Variants in DIP2C observed in about 807,000 individuals in gnomAD.
DIP2C encodes the protein DIP2 acetate--CoA ligase C (putative).
A neutral mutation model predicts 192.4 loss-of-function variants in DIP2C; 33 were observed. The observed-to-expected ratio is 0.17, with a 90% CI of 0.13 to 0.23. The LOEUF is 0.23. DIP2C is among the 10% of genes least tolerant of loss of function. The pLI, the probability that DIP2C is intolerant of heterozygous loss-of-function variation, is 1.00. For synonymous variants in DIP2C, 979 were observed against 864.1 expected (o/e 1.13, Z -2.33); for missense variants, 1,537 against 2,110.1 (o/e 0.73, Z 5.32).
intron 14 of DIP2C, among the ~76,000 whole-genome samples, chr10:385,293 G>C (rs1819512617): frequency 6.6e-6 from 1 of 152,218 alleles, no homozygotes; most frequent in South Asian, 2.1e-4. Flanking sequence ...TGACACGGTA[G>C]GGTCTGGGTG....
chr10:420,892 T>C (rs768179401), intron 5 of DIP2C, among the ~76,000 whole-genome samples: 3 of 152,138 alleles, frequency 2.0e-5, no homozygotes, highest in Non-Finnish European at 4.4e-5. Context: ...GATCGGCCAG[T>C]GTGACTCAGC....
At chr10:488,912 C>T (rs751282801) in intron 1 of DIP2C, among the ~76,000 whole-genome samples, 1 of 152,188 alleles carries the variant, frequency 6.6e-6, no homozygotes, top group Non-Finnish European at 1.5e-5. Flanking sequence ...CACACACAGA[C>T]GTCTGTGCCT....
chr10:681,399 G>A (rs1360573894), intron 1 of DIP2C, among the ~76,000 whole-genome samples: 2 of 151,360 alleles, frequency 1.3e-5, no homozygotes, highest in Non-Finnish European at 2.9e-5. Flanking sequence ...TATGGCCACA[G>A]AAATTCCGAG....
At chr10:486,751 C>T (rs1452107148) in intron 1 of DIP2C, among the ~76,000 whole-genome samples, 1 of 152,220 alleles carries the variant, frequency 6.6e-6, no homozygotes, top group East Asian at 1.9e-4. Context: ...TAAACACACG[C>T]CTGTTTCTGG....
chr10:540,463 T>G (rs1847918041), intron 1 of DIP2C, among the ~76,000 whole-genome samples: 4 of 152,168 alleles, frequency 2.6e-5, no homozygotes, highest in Admixed American at 2.6e-4. Flanking sequence ...CCTAAAACAC[T>G]TCCTCAAATC....
rs1186759577 is a variant in DIP2C, at chr10:375,232, TG to T, written c.1992-5600del. Among the ~76,000 whole-genome samples the T allele has an allele frequency of 9.9e-5, 15 of 152,278 alleles. No homozygotes were observed. In the East Asian group the frequency reaches 2.9e-3, roughly 29 times the overall value. ...AGAGTTCTCACTTTATGAGTTCACGTGGGATCTAGTTGTTTAGAATAGAGCT... is the reference window on the plus strand; with the variant it reads ...AGAGTTCTCACTTTATGAGTTCACGTGGATCTAGTTGTTTAGAATAGAGCT... On this transcript the variant is annotated intron_variant, in intron 17 of 36. Coordinates refer to ENST00000280886, the MANE Select transcript of DIP2C (RefSeq NM_014974.3).
chr10:383,929 A>G, intron 16 of DIP2C, 98 bp downstream of exon 16: 1 of 1,386,232 alleles, frequency 7.2e-7, no homozygotes, highest in Non-Finnish European at 9.3e-7. Context: ...CCTGGGGAAA[A>G]AATAAAAAAG....
At chr10:487,241 T>TCA (rs1278467196) in intron 1 of DIP2C, among the ~76,000 whole-genome samples, 1 of 152,212 alleles carries the variant, frequency 6.6e-6, no homozygotes, top group Non-Finnish European at 1.5e-5. Flanking sequence ...CACAGAATAC[T>TCA]CATTCGCTGT....
intron 3 of DIP2C, among the ~76,000 whole-genome samples, chr10:448,097 G>C (rs1376505105): frequency 1.6e-5 from 2 of 127,918 alleles, no homozygotes; most frequent in Admixed American, 7.3e-5. Flanking sequence ...ACACACAGTG[G>C]GGCAGCAGGA....
At position 689,596 on chromosome 10, in the gene DIP2C, C is replaced by G; in HGVS notation, c.-18G>C. The G allele has an allele frequency of 8.8e-7, 1 of 1,134,544 alleles. No individual in the cohort carries two copies. Among genetic ancestry groups the G allele is most frequent in the Non-Finnish European group, 1.1e-6 (1 of 923,290 alleles). The allele number at this position is 1,134,544 out of a possible 1,614,324, so 70.3% of individuals were successfully genotyped here. A position where few individuals can be genotyped will look rare whatever the true frequency, so the allele number is the denominator to read the frequency against. On this transcript the variant is annotated 5_prime_UTR_variant, in exon 1 of 37. Transcript: ENST00000280886. The surrounding 1 kb of genome is among the most constrained non-coding windows in gnomAD (Gnocchi z 6.1). ...TCCGCCATGCTCCGCGGGCGCCGCGCCCCGCACGGCCTCCTCTTTGTTCGC... is the reference window on the plus strand; with the variant it reads ...TCCGCCATGCTCCGCGGGCGCCGCGGCCCGCACGGCCTCCTCTTTGTTCGC...
At chr10:562,867 G>A (rs1167733522) in intron 1 of DIP2C, among the ~76,000 whole-genome samples, 2 of 152,222 alleles carry the variant, frequency 1.3e-5, no homozygotes, top group Admixed American at 6.5e-5. Flanking sequence ...CAGTGGAAGA[G>A]CTGCCATGTG....
intron 29 of DIP2C, 196 bp downstream of exon 29, chr10:341,003 T>A: frequency 1.3e-6 from 1 of 758,282 alleles, no homozygotes; most frequent in Non-Finnish European, 2.3e-6. Flanking sequence ...CTGCAGAAAG[T>A]CAAAGTCACC....
chr10:323,901 G>A (rs191753828), intron 31 of DIP2C, among the ~76,000 whole-genome samples: 5 of 152,254 alleles, frequency 3.3e-5, no homozygotes, highest in Admixed American at 2.0e-4. Flanking sequence ...TGGATCCTGG[G>A]CTTCTCCACT....
At chr10:535,231 G>C (rs189469041) in intron 1 of DIP2C, among the ~76,000 whole-genome samples, 48 of 152,206 alleles carry the variant, frequency 3.2e-4, no homozygotes, top group African/African-American at 1.1e-3. Flanking sequence ...AGCCCTAGGC[G>C]TGGGCTGAGC....
intron 24 of DIP2C, among the ~76,000 whole-genome samples, chr10:352,415 T>TA (rs1355333035): frequency 2.6e-5 from 4 of 152,200 alleles, no homozygotes; most frequent in African/African-American, 9.7e-5. Context: ...AGGGCTGACA[T>TA]AAAAACAAAC....
chr10:408,961 T>C lies in DIP2C; in HGVS notation c.1114A>G (p.Thr372Ala). 1 of 1,614,228 alleles carries C rather than the reference T, an allele frequency of 6.2e-7. No homozygotes were observed. Among genetic ancestry groups the C allele is most frequent in the Non-Finnish European group, 8.5e-7 (1 of 1,180,042 alleles). Residue 372 changes from threonine (T) to alanine (A), a missense_variant, in exon 9 of 37, where the codon ACA (threonine) becomes GCA (alanine). Thr to Ala is a moderately conservative substitution (Grantham distance 58). This residue lies in a region of DIP2C where 473 missense variants were observed against 539.6 expected (regional missense o/e 0.88). Transcript: ENST00000280886. ...GGCCGGACCATGGGTTCCTGCTTTGTGCCTAATTTGTGTAGAATGCTGTAA... is the reference window on the plus strand; with the variant it reads ...GGCCGGACCATGGGTTCCTGCTTTGCGCCTAATTTGTGTAGAATGCTGTAA... ...VAYSILHKLGTKQEPMVRPGD... is the reference protein window; with the variant it reads ...VAYSILHKLGAKQEPMVRPGD...
intron 2 of DIP2C, among the ~76,000 whole-genome samples, chr10:485,877 C>T (rs190747775): frequency 1.1e-4 from 17 of 152,308 alleles, no homozygotes; most frequent in African/African-American, 3.4e-4. Context: ...GCTAGAATCC[C>T]CATCTAATAT....
At chr10:445,039 T>C (rs1968048754) in intron 3 of DIP2C, among the ~76,000 whole-genome samples, 1 of 152,236 alleles carries the variant, frequency 6.6e-6, no homozygotes, top group African/African-American at 2.4e-5. Flanking sequence ...TCTCCATCAG[T>C]CTGAGATCCA....
chr10:280,438 C>T (rs1278303409), intron 36 of DIP2C, among the ~76,000 whole-genome samples: 2 of 151,988 alleles, frequency 1.3e-5, no homozygotes, highest in Admixed American at 6.5e-5. Flanking sequence ...CTAAAGCCAA[C>T]GGTGTTGAGT....
Sources: allele counts gnomAD v4.1 joint callset (sites outside exome capture counted in the v4.1 genomes callset), GRCh38; gene constraint gnomAD v4.1.1; regional missense constraint gnomAD v4.1.1; non-coding constraint Gnocchi (gnomAD v3.1); transcripts MANE v1.5; gene names NCBI Gene and HGNC (gene_info 2026-07-23, HGNC 2026-07-21).